The following SMIM21 variants were observed in gnomAD, a reference collection of about 807,000 sequenced individuals.
SMIM21 encodes small integral membrane protein 21.
Under a neutral mutation model 8.6 loss-of-function variants are expected in SMIM21, and 8 were observed. That is an observed-to-expected ratio of 0.93 (90% CI 0.55 to 1.68). The LOEUF (loss-of-function observed/expected upper bound fraction) is 1.68, where lower values mean the gene tolerates loss of function less well. SMIM21 is among the 40% of genes most tolerant of loss of function. The probability of loss-of-function intolerance (pLI) is 0.00; values close to 1 mark genes in which losing one functional copy is unlikely to be tolerated. For missense variants in SMIM21, 132 were observed against 123.0 expected, an observed-to-expected ratio of 1.07 and a Z score of -0.35; for synonymous variants, 43 against 41.7, an observed-to-expected ratio of 1.03 and a Z score of -0.12.
chr18:75,415,508 C>T (rs1174179687), intron 2 of SMIM21, among the ~76,000 whole-genome samples: 9 of 152,210 alleles, frequency 5.9e-5, no homozygotes, highest in Admixed American at 2.0e-4. Flanking sequence ...AGCATTCTGA[C>T]TTGCCTGGGA....
rs533312235 is a variant in SMIM21 at position 75,411,028 on chromosome 18, C to T, written c.261-119G>A. The T allele has an allele frequency of 2.1e-6, 3 of 1,400,626 alleles. No homozygotes were observed. The South Asian group carries it at 3.9e-5, about 18-fold the overall frequency. The allele number at this position is 1,400,626 out of a possible 1,614,324, so 86.8% of individuals were successfully genotyped here. On this transcript the variant is annotated intron_variant, in intron 2 of 2. Coordinates refer to ENST00000579022, the MANE Select transcript of SMIM21 (RefSeq NM_001037331.3). The stretch of plus-strand genomic sequence containing the variant: ...GAACACATTTTAAAATTTAATTTTT[C>T]CCCCCAAGATTTTGGAGTGTTTTGA...
intron 2 of SMIM21, among the ~76,000 whole-genome samples, chr18:75,414,180 A>G (rs980494419): frequency 9.9e-5 from 15 of 151,934 alleles, no homozygotes; most frequent in Admixed American, 8.5e-4. Flanking sequence ...GTTTCCCAAG[A>G]TGAGTTCCAA....
At chr18:75,425,156 G>A (rs1241178923) in intron 1 of SMIM21, among the ~76,000 whole-genome samples, 1 of 152,188 alleles carries the variant, frequency 6.6e-6, no homozygotes, top group Non-Finnish European at 1.5e-5. Flanking sequence ...TGAGCTTTTG[G>A]ATTTTCGTCG....
rs1012086031 is a variant in SMIM21 at position 75,411,456 on chromosome 18, C to T, written c.261-547G>A. Among the ~76,000 whole-genome samples the T allele has an allele frequency of 3.3e-5, 5 of 152,282 alleles. No individual in the cohort carries two copies. In the East Asian group the frequency reaches 5.8e-4, roughly 18 times the overall value. ...GCTAACCGTTTTGCTGTCTAACTCA[C>T]GAATGATGATCCTTGGAAGATGAGA... is the stretch of plus-strand genomic sequence containing the variant. On this transcript the variant is annotated intron_variant, in intron 2 of 2. Transcript: ENST00000579022.
Position 75,410,430 on chromosome 18 carries a change from C to G in SMIM21, c.*434G>C, listed in dbSNP as rs528797147. On this transcript the variant is annotated 3_prime_UTR_variant, in exon 3 of 3. Transcript: ENST00000579022. ...CAACTATATGATATACAGAACATCA[C>G]AGAAATATCTCAAACTGTGTTGCTG... The G allele has an allele frequency of 6.1e-6, 1 of 164,940 alleles. No homozygotes were observed. The highest frequency in any genetic ancestry group is 1.7e-4 in the East Asian group (1 of 5,932). The allele number at this position is 164,940 out of a possible 1,614,324, so 10.2% of individuals were successfully genotyped here. A position where few individuals can be genotyped will look rare whatever the true frequency, so the allele number is the denominator to read the frequency against.
chr18:75,426,295 G>A (rs8089680), intron 1 of SMIM21, among the ~76,000 whole-genome samples: 55,455 of 99,930 alleles, frequency 0.55, 11,999 homozygotes, highest in East Asian at 0.78. Context: ...TTATTTATTT[G>A]TTTGTTTGTT....
chr18:75,425,488 A>T (rs1176226767), intron 1 of SMIM21, among the ~76,000 whole-genome samples: 4 of 152,224 alleles, frequency 2.6e-5, no homozygotes, highest in African/African-American at 9.6e-5. Flanking sequence ...TCTATGTCGT[A>T]TGATCCATGA....
At chr18:75,413,488 T>C (rs1455403831) in intron 2 of SMIM21, among the ~76,000 whole-genome samples, 1 of 152,222 alleles carries the variant, frequency 6.6e-6, no homozygotes, top group African/African-American at 2.4e-5. Flanking sequence ...GCTGCTGAAC[T>C]CTTCTTTCCA....
intron 1 of SMIM21, among the ~76,000 whole-genome samples, chr18:75,423,939 ACAGT>A (rs1302985551): frequency 1.3e-5 from 2 of 152,194 alleles, no homozygotes; most frequent in Admixed American, 6.5e-5. Context: ...GAGGCAGAAC[ACAGT>A]CAGTTTGTTA....
intron 2 of SMIM21, chr18:75,417,978 C>G: frequency 2.7e-6 from 1 of 377,114 alleles, no homozygotes; most frequent in Non-Finnish European, 4.7e-6. Context: ...TGGTAGTAAG[C>G]TTTTTATTTT....
intron 2 of SMIM21, among the ~76,000 whole-genome samples, chr18:75,414,409 T>C (rs2024621481): frequency 6.6e-6 from 1 of 152,258 alleles, no homozygotes; most frequent in South Asian, 2.1e-4. Flanking sequence ...CTCCATTGAC[T>C]GCTGAAAAGA....
intron 2 of SMIM21, among the ~76,000 whole-genome samples, chr18:75,418,583 C>T (rs955645136): frequency 9.9e-5 from 15 of 152,154 alleles, no homozygotes; most frequent in African/African-American, 7.2e-5. Context: ...TGCTCTATCA[C>T]GGATGGATAT....
intron 2 of SMIM21, chr18:75,418,219 T>C: frequency 2.5e-6 from 1 of 398,530 alleles, no homozygotes; most frequent in African/African-American, 2.1e-5. Flanking sequence ...AAAATTAATA[T>C]GCCTTCCAGT....
At chr18:75,414,116 C>CACAT (rs1435111173) in intron 2 of SMIM21, among the ~76,000 whole-genome samples, 1 of 142,644 alleles carries the variant, frequency 7.0e-6, no homozygotes, top group Non-Finnish European at 1.6e-5. Flanking sequence ...CACACACACA[C>CACAT]ACACATACAC....
chr18:75,414,477 G>T (rs1568151435), intron 2 of SMIM21, among the ~76,000 whole-genome samples: 1 of 152,140 alleles, frequency 6.6e-6, no homozygotes, highest in South Asian at 2.1e-4. Flanking sequence ...CATATCAGAG[G>T]AGGAAGGAAG....
chr18:75,415,519 G>C (rs1235565567), intron 2 of SMIM21, among the ~76,000 whole-genome samples: 2 of 152,204 alleles, frequency 1.3e-5, no homozygotes, highest in Non-Finnish European at 1.5e-5. Flanking sequence ...TTGCCTGGGA[G>C]TGTGCTCCCA....
intron 1 of SMIM21, among the ~76,000 whole-genome samples, chr18:75,424,371 G>A (rs1020340374): frequency 3.3e-5 from 5 of 152,150 alleles, no homozygotes; most frequent in Non-Finnish European, 4.4e-5. Context: ...ATATTATATA[G>A]AAATCTGATG....
At chr18:75,414,673 T>A (rs1242817743) in intron 2 of SMIM21, among the ~76,000 whole-genome samples, 1 of 152,214 alleles carries the variant, frequency 6.6e-6, no homozygotes, top group Non-Finnish European at 1.5e-5. Flanking sequence ...CAGCTGTCAC[T>A]AAGAATGGAG....
chr18:75,410,973 A>T, intron 2 of SMIM21, 64 bp from the exon 3 acceptor site: 1 of 1,574,644 alleles, frequency 6.4e-7, no homozygotes, highest in Non-Finnish European at 8.6e-7. Flanking sequence ...AAAATATTAC[A>T]ATAAAATTGA....
Sources: gnomAD v4.1 joint callset for allele counts (sites outside exome capture counted in the v4.1 genomes callset) on GRCh38, gnomAD v4.1.1 for gene constraint, MANE v1.5 for transcripts, NCBI Gene and HGNC (gene_info 2026-07-23, HGNC 2026-07-21) for gene names.